TENM2: variants seen among roughly 807,000 people sequenced by gnomAD.
TENM2 encodes teneurin transmembrane protein 2, also known as teneurin-2.
TENM2 carries 52 observed loss-of-function variants against 245.2 expected under a neutral mutation model. That is an observed-to-expected ratio of 0.21 (90% CI 0.17 to 0.27). The LOEUF (loss-of-function observed/expected upper bound fraction) is 0.27. TENM2 is among the 10% of genes least tolerant of loss of function. TENM2 has a pLI of 1.00. For missense variants in TENM2, 3,046 were observed against 3,666.8 expected, an observed-to-expected ratio of 0.83 and a Z score of 4.37; for synonymous variants, 1,363 against 1,438.9, an observed-to-expected ratio of 0.95 and a Z score of 1.19.
the TENM2 span, among the ~76,000 whole-genome samples, chr5:167,245,152 T>C: frequency 6.6e-6 from 1 of 152,162 alleles, no homozygotes; most frequent in Admixed American, 6.5e-5. Flanking sequence ...TGTTTGCTTT[T>C]GTCTTAATTT....
chr5:167,512,789 C>A (rs1582252908), intron 2 of TENM2, among the ~76,000 whole-genome samples: 1 of 152,220 alleles, frequency 6.6e-6, no homozygotes, highest in East Asian at 1.9e-4. Flanking sequence ...ATGTCTGAGC[C>A]TTTTTGGTGT....
intron 2 of TENM2, among the ~76,000 whole-genome samples, chr5:167,630,054 C>T (rs1227021349): frequency 6.6e-6 from 1 of 151,938 alleles, no homozygotes; most frequent in Non-Finnish European, 1.5e-5. Context: ...CCTATATGTA[C>T]AATGCACATA....
intron 2 of TENM2, among the ~76,000 whole-genome samples, chr5:167,762,905 A>G (rs1027601662): frequency 6.6e-6 from 1 of 152,232 alleles, no homozygotes; most frequent in Admixed American, 6.5e-5. Context: ...AACATCTGCC[A>G]TGTGCAGGAA....
rs1766373487 is a variant in TENM2, at chr5:168,244,490, A to T, written c.5591A>T (p.His1864Leu). 1 of 1,608,644 alleles carries T rather than the reference A, an allele frequency of 6.2e-7. No homozygotes were observed. Residue 1864 changes from histidine (H) to leucine (L), a missense_variant, in exon 26 of 29, where the codon CAC becomes CTC. Physicochemically the swap from His to Leu is moderately conservative, Grantham distance 99 (BLOSUM62 -3). This residue lies in a region of TENM2 where 2,704 missense variants were observed against 3,331.9 expected (regional missense o/e 0.81). Transcript: ENST00000518659. The surrounding 1 kb of genome is among the most constrained non-coding windows in gnomAD (Gnocchi z 4.9). ...CGGACTGAAAAGATCTATGATGACC[A>T]CCGGAAGTTCACCCTGAGGATCATT...
intron 12 of TENM2, among the ~76,000 whole-genome samples, chr5:168,150,073 C>T (rs1756503732): frequency 6.6e-6 from 1 of 152,162 alleles, no homozygotes. Context: ...TTCCCTAAAG[C>T]AGTGATTACC....
At chr5:167,981,951 G>T (rs1342521027) in intron 4 of TENM2, among the ~76,000 whole-genome samples, 2 of 148,268 alleles carry the variant, frequency 1.3e-5, no homozygotes, top group African/African-American at 5.0e-5. Flanking sequence ...TCCAGCCTGG[G>T]CAACAAGAGT....
rs187139827 is a variant in TENM2 at position 168,124,685 on chromosome 5, C to A, written c.2009-165C>A. ...GAAGGCTTTTACTTTTTATGGGTGTCTTCAGGTGACCACATAAGTATTTCT... is the reference window on the plus strand; with the variant it reads ...GAAGGCTTTTACTTTTTATGGGTGTATTCAGGTGACCACATAAGTATTTCT... On this transcript the variant is annotated intron_variant, in intron 10 of 28. Transcript: ENST00000518659. Among the ~76,000 whole-genome samples the A allele has an allele frequency of 2.4e-4, 36 of 152,258 alleles. No individual in the cohort carries two copies. The East Asian group carries it at 6.6e-3, about 28-fold the overall frequency.
At chr5:167,825,583 A>G (rs1767904197) in intron 2 of TENM2, among the ~76,000 whole-genome samples, 2 of 152,248 alleles carry the variant, frequency 1.3e-5, no homozygotes, top group Non-Finnish European at 2.9e-5. Context: ...GCGTGCACAC[A>G]CACATGCATA....
At chr5:167,031,909 C>G in the TENM2 span, among the ~76,000 whole-genome samples, 4 of 151,982 alleles carry the variant, frequency 2.6e-5, no homozygotes, top group African/African-American at 9.7e-5. Flanking sequence ...TGTTTTTTTA[C>G]TACTTAATGA....
At chr5:167,852,298 AGCATATGCCAAGCAATCAGC>A (rs1770654811) in intron 2 of TENM2, among the ~76,000 whole-genome samples, 1 of 152,226 alleles carries the variant, frequency 6.6e-6, no homozygotes, top group African/African-American at 2.4e-5. Context: ...GATATCATTA[AGCATATGCCAAGCAATCAGC>A]GCATGACTGT....
intron 2 of TENM2, among the ~76,000 whole-genome samples, chr5:167,756,509 T>A (rs1762321101): frequency 6.6e-6 from 1 of 152,176 alleles, no homozygotes; most frequent in Admixed American, 6.5e-5. Context: ...GGTTCCACAG[T>A]GGTGCAATTT....
chr5:167,775,284 C>G (rs1763690563), intron 2 of TENM2, among the ~76,000 whole-genome samples: 2 of 152,134 alleles, frequency 1.3e-5, no homozygotes, highest in Non-Finnish European at 2.9e-5. Context: ...TGAGGTCTTA[C>G]AAGACCACCT....
chr5:167,730,898 C>A (rs1760377603), intron 2 of TENM2, among the ~76,000 whole-genome samples: 1 of 152,170 alleles, frequency 6.6e-6, no homozygotes, highest in African/African-American at 2.4e-5. Context: ...TACCAATATA[C>A]TTAGGTTCCT....
At chr5:168,012,034 C>T (rs1270205770) in intron 5 of TENM2, among the ~76,000 whole-genome samples, 3 of 152,182 alleles carry the variant, frequency 2.0e-5, no homozygotes, top group Non-Finnish European at 4.4e-5. Context: ...AACTGCAAAG[C>T]TCACGTTCTC....
intron 13 of TENM2, among the ~76,000 whole-genome samples, chr5:168,178,114 C>G (rs149041672): frequency 1.3e-5 from 2 of 152,260 alleles, no homozygotes; most frequent in African/African-American, 4.8e-5. Context: ...ATCTTCCCCC[C>G]AGGGACAAGG....
chr5:167,769,095 A>T (rs1263726866), intron 2 of TENM2, among the ~76,000 whole-genome samples: 2 of 152,166 alleles, frequency 1.3e-5, no homozygotes, highest in African/African-American at 2.4e-5. Context: ...CCACCTCTTA[A>T]TGCTCTCAGT....
exon 29 of TENM2, chr5:168,262,696 G>A: frequency 6.2e-7 from 1 of 1,610,604 alleles, no homozygotes; most frequent in Non-Finnish European, 8.5e-7. Context: ...TGAGCACCGG[G>A]CGCGTGCAAG....
chr5:167,273,803 G>T, the TENM2 span, among the ~76,000 whole-genome samples: 1 of 152,000 alleles, frequency 6.6e-6, no homozygotes, highest in Non-Finnish European at 1.5e-5. Context: ...TTTAAAAAGG[G>T]GTGTTTGTGT....
At chr5:167,178,535 C>T in the TENM2 span, among the ~76,000 whole-genome samples, 3 of 152,066 alleles carry the variant, frequency 2.0e-5, no homozygotes, top group South Asian at 2.1e-4. Context: ...TCCTGCGGAG[C>T]CTCACCATCA....
Sources: gnomAD v4.1 joint callset for allele counts (sites outside exome capture counted in the v4.1 genomes callset) on GRCh38, gnomAD v4.1.1 for gene constraint, gnomAD v4.1.1 regional missense constraint, Gnocchi (gnomAD v3.1) non-coding constraint, MANE v1.5 for transcripts, NCBI Gene and HGNC (gene_info 2026-07-23, HGNC 2026-07-21) for gene names.